The following UGDH variants were observed in gnomAD, a reference collection of about 807,000 sequenced individuals.
UGDH encodes the protein UDP-glucose 6-dehydrogenase, also known as UDP-Glc dehydrogenase.
In UGDH, 38 loss-of-function variants were observed where a neutral mutation model predicts 50.6. The ratio of observed to expected loss-of-function variants is 0.75; its 90% confidence interval spans 0.58 to 0.98. The LOEUF (loss-of-function observed/expected upper bound fraction) is 0.98. Ranked by LOEUF, UGDH falls within the 50% of genes least tolerant of loss-of-function variation. UGDH has a pLI of 0.00. For missense variants in UGDH, 465 were observed against 606.2 expected, an observed-to-expected ratio of 0.77 and a Z score of 2.45; for synonymous variants, 168 against 199.9, an observed-to-expected ratio of 0.84 and a Z score of 1.35.
chr4:39,519,242 A>C (rs1384656018), intron 2 of UGDH, among the ~76,000 whole-genome samples: 3 of 147,014 alleles, frequency 2.0e-5, no homozygotes, highest in Admixed American at 6.8e-5. Context: ...TAATTTGGAG[A>C]TGGGAGTCTC....
In UGDH at chr4:39,499,801, C is replaced by T. The variant is rs534375273; in HGVS notation, c.*342G>A. The T allele has an allele frequency of 7.0e-4, 117 of 167,212 alleles. No homozygotes were observed. The highest frequency in any genetic ancestry group is 1.1e-3 in the Non-Finnish European group (84 of 77,306). 10.4% of individuals were successfully genotyped at this position (167,212 alleles called of 1,614,324 possible). A position where few individuals can be genotyped will look rare whatever the true frequency, so the allele number is the denominator to read the frequency against. On this transcript the variant is annotated 3_prime_UTR_variant, in exon 12 of 12. Transcript: ENST00000316423. ...ATCCCAGCACTTTGGGAGGCCGAGACGGGTGGTTCACAAGGTCAGGAGATT... is the reference window on the plus strand; with the variant it reads ...ATCCCAGCACTTTGGGAGGCCGAGATGGGTGGTTCACAAGGTCAGGAGATT...
intron 9 of UGDH, 80 bp from the exon 10 acceptor site, chr4:39,504,588 G>A: frequency 8.0e-7 from 1 of 1,249,568 alleles, no homozygotes; most frequent in Non-Finnish European, 1.1e-6. Flanking sequence ...CTTATCTGCA[G>A]GGATACATTC....
chr4:39,500,369 C>G, intron 11 of UGDH, 116 bp from the exon 12 acceptor site: 1 of 629,246 alleles, frequency 1.6e-6, no homozygotes. Context: ...AAAGGATTCT[C>G]AAGTTGTCTG....
chr4:39,500,654 T>C (rs1424084985), intron 11 of UGDH, among the ~76,000 whole-genome samples: 1 of 19,856 alleles, frequency 5.0e-5, no homozygotes, highest in Non-Finnish European at 1.5e-4. Context: ...CATAATTCTC[T>C]TTTTTTTTTT....
At chr4:39,519,447 C>T (rs1746560731) in intron 2 of UGDH, among the ~76,000 whole-genome samples, 1 of 152,078 alleles carries the variant, frequency 6.6e-6, no homozygotes, top group Non-Finnish European at 1.5e-5. Flanking sequence ...TGACTTGCAA[C>T]CCTTTTATCA....
At position 39,521,480 on chromosome 4, in the gene UGDH, A is replaced by G; in HGVS notation, c.33T>C (p.Gly11=). The G allele has an allele frequency of 1.2e-6, 2 of 1,607,604 alleles. No individual in the cohort carries two copies. Among genetic ancestry groups the G allele is most frequent in the East Asian group, 2.2e-5 (1 of 44,636 alleles). MFEIKKICCI[G]AGYVGGPTCS... ...ATGTGGGTCCTCCAACATAGCCTGC[A>G]CCGATGCAACAGATCTTCTTAATTT... The change falls in exon 2 of 12, where the codon GGT becomes GGC. Residue 11 remains glycine (G), a synonymous_variant. Transcript: ENST00000316423.
intron 2 of UGDH, among the ~76,000 whole-genome samples, chr4:39,516,657 G>A (rs1746451858): frequency 6.6e-6 from 1 of 152,128 alleles, no homozygotes; most frequent in African/African-American, 2.4e-5. Flanking sequence ...ATGGTTCCGA[G>A]GTCTCTTAAC....
chr4:39,521,005 T>A (rs1746630905), intron 2 of UGDH, among the ~76,000 whole-genome samples: 1 of 141,980 alleles, frequency 7.0e-6, no homozygotes, highest in African/African-American at 2.7e-5. Context: ...GTGAGGTGGG[T>A]GTTGCCGTGA....
intron 5 of UGDH, among the ~76,000 whole-genome samples, 191 bp from the exon 6 acceptor site, chr4:39,510,098 G>C (rs375201386): frequency 6.6e-6 from 1 of 152,300 alleles, no homozygotes; most frequent in East Asian, 1.9e-4. Flanking sequence ...AGATGATTAA[G>C]AAAAAGGGTA....
intron 1 of UGDH, among the ~76,000 whole-genome samples, chr4:39,522,207 T>G (rs1746690763): frequency 6.6e-6 from 1 of 152,224 alleles, no homozygotes; most frequent in Non-Finnish European, 1.5e-5. Context: ...CAGATTTTGA[T>G]AGATTTTCAA....
At chr4:39,514,688 T>TA (rs1176224641) in intron 2 of UGDH, among the ~76,000 whole-genome samples, 2 of 147,894 alleles carry the variant, frequency 1.4e-5, no homozygotes, top group African/African-American at 5.1e-5. Flanking sequence ...TTTATTTTAT[T>TA]TTATTTTTTT....
intron 7 of UGDH, among the ~76,000 whole-genome samples, chr4:39,506,792 C>G (rs1211231534): frequency 6.6e-6 from 1 of 152,150 alleles, no homozygotes; most frequent in Non-Finnish European, 1.5e-5. Flanking sequence ...ATTTTTCACA[C>G]AATGAACAGT....
chr4:39,521,416 T>A lies in UGDH; in HGVS notation c.97A>T (p.Thr33Ser), dbSNP rs914739438. 1.9e-6 allele frequency: 3 copies of A among 1,613,624 alleles called. No individual in the cohort carries two copies. The African/African-American group carries it at 4.0e-5, about 22-fold the overall frequency. ...CTTGATTCATTGACATCAACAACCG[T>A]TACCCTGATTTCAGGACACATATGA... ...IAHMCPEIRV[T>S]VVDVNESRIN... Residue 33 changes from threonine to serine, a missense_variant, in exon 2 of 12, where the codon ACG becomes TCG. Coordinates refer to ENST00000316423, the MANE Select transcript of UGDH (RefSeq NM_003359.4).
At chr4:39,500,283 A>C in intron 11 of UGDH, 30 bp from the exon 12 acceptor site, 2 of 1,356,240 alleles carry the variant, frequency 1.5e-6, no homozygotes, top group Non-Finnish European at 2.1e-6. Context: ...TAAGAGAACT[A>C]TTAACAATTA....
chr4:39,513,768 CT>C (rs11362397), intron 3 of UGDH, among the ~76,000 whole-genome samples: 27,087 of 151,990 alleles, frequency 0.18, 2,982 homozygotes, highest in Middle Eastern at 0.26. Flanking sequence ...ATCTCTTGAC[CT>C]TGTGATCTGC....
At chr4:39,508,437 T>C (rs1746110436) in intron 7 of UGDH, 129 bp downstream of exon 7, 1 of 813,784 alleles carries the variant, frequency 1.2e-6, no homozygotes, top group East Asian at 3.1e-5. Flanking sequence ...TCTCACTATG[T>C]TGCCCAGGCC....
At chr4:39,521,831 C>T (rs1746674563) in intron 1 of UGDH, among the ~76,000 whole-genome samples, 1 of 152,178 alleles carries the variant, frequency 6.6e-6, no homozygotes, top group Admixed American at 6.6e-5. Flanking sequence ...GTAAAACCTT[C>T]CTTAGGTCTA....
In UGDH at chr4:39,508,670, GA is replaced by G; in HGVS notation, c.812-11del. On this transcript the variant is annotated splice_polypyrimidine_tract_variant and intron_variant, in intron 6 of 11. Coordinates refer to ENST00000316423, the MANE Select transcript of UGDH (RefSeq NM_003359.4). ...CAGCTCCCACCAAACCCTGCAGAAA[GA>G]AAAAAATGAACAATATTTTCATGTA... 1.3e-6 allele frequency: 2 copies of G among 1,578,308 alleles called. No individual in the cohort carries two copies. The highest frequency in any genetic ancestry group is 1.2e-5 in the South Asian group (1 of 85,236).
chr4:39,506,233 T>TAAAAAAAAAA (rs373456890), intron 7 of UGDH, among the ~76,000 whole-genome samples: 57 of 131,112 alleles, frequency 4.3e-4, no homozygotes, highest in Non-Finnish European at 8.0e-4. Flanking sequence ...GCCGTAAATT[T>TAAAAAAAAAA]AAAAAAAAAA....
Sources: gnomAD v4.1 joint callset for allele counts (sites outside exome capture counted in the v4.1 genomes callset) on GRCh38, gnomAD v4.1.1 for gene constraint, MANE v1.5 for transcripts, NCBI Gene and HGNC (gene_info 2026-07-23, HGNC 2026-07-21) for gene names.